The following THUMPD3 variants were observed in gnomAD, a reference collection of about 807,000 sequenced individuals.
The protein encoded by THUMPD3 is tRNA (guanine(6)-N(2))-methyltransferase THUMP3.
A neutral mutation model predicts 54.5 loss-of-function variants in THUMPD3; 44 were observed. The ratio of observed to expected loss-of-function variants is 0.81; its 90% CI spans 0.63 to 1.04. The LOEUF (loss-of-function observed/expected upper bound fraction) is 1.04, where lower values mean the gene tolerates loss of function less well. THUMPD3 is among the 50% of genes least tolerant of loss of function. The probability of loss-of-function intolerance (pLI) is 0.00; values close to 1 mark genes in which losing one functional copy is unlikely to be tolerated. For missense variants in THUMPD3, 604 were observed against 601.3 expected (o/e 1.00, Z -0.05); for synonymous variants, 196 against 201.4 (o/e 0.97, Z 0.23).
chr3:9,380,678 AC>A lies in THUMPD3; in HGVS notation c.1124+61del. 3 of 1,266,984 alleles carry A rather than the reference AC, an allele frequency of 2.4e-6. No homozygotes were observed. The Admixed American group carries it at 5.5e-5, about 23-fold the overall frequency. 78.5% of individuals were successfully genotyped at this position (1,266,984 alleles called of 1,614,324 possible). On this transcript the variant is annotated intron_variant, in intron 7 of 9. Coordinates refer to ENST00000452837, the MANE Select transcript of THUMPD3 (RefSeq NM_001114092.2). ...AGTTAGAGAATCACTTTTTATATTG[AC>A]TTTATGAATTAAAACTCCCAGTGCA...
intron 1 of THUMPD3, among the ~76,000 whole-genome samples, chr3:9,364,757 T>C (rs1202440803): frequency 6.6e-6 from 1 of 152,254 alleles, no homozygotes; most frequent in African/African-American, 2.4e-5. Flanking sequence ...TCAACATGGG[T>C]TACCCCAAAG....
At position 9,371,457 on chromosome 3, in the gene THUMPD3, A is replaced by G. The variant is rs1403562408; in HGVS notation, c.728A>G (p.Asn243Ser). ...RAGEKHCFTS[N>S]EAARDFGGAV... Reference sequence around the variant, plus strand: ...GGAGAGAAACATTGCTTTACCTCAAATGAGGCTGCAAGAGATTTTGGGGGT... The same window carrying G: ...GGAGAGAAACATTGCTTTACCTCAAGTGAGGCTGCAAGAGATTTTGGGGGT... The change falls in exon 4 of 10, where the codon AAT (asparagine) becomes AGT (serine). Residue 243 changes from asparagine (N) to serine (S), a missense_variant. Asn to Ser is a conservative substitution (Grantham distance 46). Transcript: ENST00000452837. 1 of 1,614,204 alleles carries G rather than the reference A, an allele frequency of 6.2e-7. No homozygotes were observed. The highest frequency in any genetic ancestry group is 1.1e-5 in the South Asian group (1 of 91,088).
intron 2 of THUMPD3, 98 bp downstream of exon 2, chr3:9,365,418 T>C: frequency 1.4e-6 from 2 of 1,420,864 alleles, no homozygotes; most frequent in Non-Finnish European, 1.9e-6. Context: ...CTGATTTTCA[T>C]TGCTCTGCCC....
At chr3:9,381,627 T>A (rs1321313683) in intron 7 of THUMPD3, among the ~76,000 whole-genome samples, 1 of 149,134 alleles carries the variant, frequency 6.7e-6, no homozygotes, top group Admixed American at 6.7e-5. Context: ...AGGGTTTTTT[T>A]TAATGAGCCT....
chr3:9,372,556 G>T (rs1482914085), intron 4 of THUMPD3, among the ~76,000 whole-genome samples: 1 of 151,750 alleles, frequency 6.6e-6, no homozygotes, highest in East Asian at 1.9e-4. Context: ...CTTCAGCGTG[G>T]GTGACAGAGC....
chr3:9,369,775 C>A (rs2125313740), intron 3 of THUMPD3, among the ~76,000 whole-genome samples: 1 of 152,276 alleles, frequency 6.6e-6, no homozygotes, highest in East Asian at 1.9e-4. Flanking sequence ...TGAGTGTCAT[C>A]TTTGTGTTTA....
chr3:9,365,657 T>C (rs1165778776), intron 2 of THUMPD3, among the ~76,000 whole-genome samples: 1 of 151,852 alleles, frequency 6.6e-6, no homozygotes, highest in African/African-American at 2.4e-5. Context: ...AATGGCGCGA[T>C]CTTGGCTCAC....
chr3:9,364,192 A>G lies in THUMPD3; in HGVS notation c.-53-824A>G, dbSNP rs547673159. Among the ~76,000 whole-genome samples, 3 of 152,160 alleles carry G rather than the reference A, an allele frequency of 2.0e-5. No individual in the cohort carries two copies. The East Asian group carries it at 5.8e-4, about 29-fold the overall frequency. On this transcript the variant is annotated intron_variant, in intron 1 of 9. Coordinates refer to ENST00000452837, the MANE Select transcript of THUMPD3 (RefSeq NM_001114092.2). ...TTGTCTCCTAACGACTCTAGGAAAG[A>G]GGTATTACTAATTACTTAATTACAT...
At chr3:9,383,510 G>A (rs898114535) in intron 8 of THUMPD3, among the ~76,000 whole-genome samples, 1 of 152,102 alleles carries the variant, frequency 6.6e-6, no homozygotes, top group African/African-American at 2.4e-5. Flanking sequence ...ACCATCATGG[G>A]AGGTTCATTT....
At chr3:9,363,205 CTT>C (rs2031037311) in intron 1 of THUMPD3, 78 bp downstream of exon 1, 1 of 152,292 alleles carries the variant, frequency 6.6e-6, no homozygotes, top group South Asian at 2.1e-4. Context: ...TGGCCTTCCT[CTT>C]GCAGTTGAGG....
At position 9,380,500 on chromosome 3, in the gene THUMPD3, T is replaced by C. The variant is rs1575078610; in HGVS notation, c.1009-3T>C. 1 of 1,591,906 alleles carries C rather than the reference T, an allele frequency of 6.3e-7. No homozygotes were observed. Among genetic ancestry groups the C allele is most frequent in the East Asian group, 2.2e-5 (1 of 44,666 alleles). On this transcript the variant is annotated splice_polypyrimidine_tract_variant and splice_region_variant and intron_variant, in intron 6 of 9. Coordinates refer to ENST00000452837, the MANE Select transcript of THUMPD3 (RefSeq NM_001114092.2). ...TGTTTTAACATACACTCTTATCTTTTAGGGGGCCACTGAATGGTCTGACTG... is the reference window on the plus strand; with the variant it reads ...TGTTTTAACATACACTCTTATCTTTCAGGGGGCCACTGAATGGTCTGACTG...
At chr3:9,367,231 G>A (rs1559299592) in intron 3 of THUMPD3, among the ~76,000 whole-genome samples, 2 of 152,190 alleles carry the variant, frequency 1.3e-5, no homozygotes, top group African/African-American at 4.8e-5. Context: ...ACTTGTAAGA[G>A]ATATAAACCT....
chr3:9,373,845 C>G (rs1672090169), intron 4 of THUMPD3, among the ~76,000 whole-genome samples: 1 of 152,050 alleles, frequency 6.6e-6, no homozygotes, highest in African/African-American at 2.4e-5. Context: ...TCCCGAGTAG[C>G]TGGGACTGTG....
Position 9,371,374 on chromosome 3 carries a change from C to T in THUMPD3, c.645C>T (p.Ser215=). ...CTTGCAAAGATGAGACTGATGAAAGCTCAAAAGAAGAAACTGAGCCTCAAG... is the reference window on the plus strand; with the variant it reads ...CTTGCAAAGATGAGACTGATGAAAGTTCAAAAGAAGAAACTGAGCCTCAAG... ...LASCKDETDE[S]SKEETEPQVL... is the part of the protein sequence containing the mutation. The change falls in exon 4 of 10, where the codon AGC becomes AGT. Residue 215 remains serine (S), a synonymous_variant. Transcript: ENST00000452837. 2.5e-6 allele frequency: 4 copies of T among 1,614,140 alleles called. No homozygotes were observed. In the South Asian group the frequency reaches 3.3e-5, roughly 13 times the overall value.
At position 9,377,041 on chromosome 3, in the gene THUMPD3, T is replaced by A. The variant is rs532812274; in HGVS notation, c.939-778T>A. On this transcript the variant is annotated intron_variant, in intron 5 of 9. Transcript: ENST00000452837. ...ACCTAGTCCCACAGAGCAATTTTTT[T>A]ATATCAAGATTAGCTTTAAATTCAG... is the stretch of plus-strand genomic sequence containing the variant. 3.9e-5 allele frequency among the ~76,000 whole-genome samples: 6 copies of A among 152,352 alleles called. No homozygotes were observed. The South Asian group carries it at 6.2e-4, about 16-fold the overall frequency.
chr3:9,368,199 C>A (rs1240375164), intron 3 of THUMPD3, among the ~76,000 whole-genome samples: 1 of 151,608 alleles, frequency 6.6e-6, no homozygotes, highest in Non-Finnish European at 1.5e-5. Context: ...GTCCCCACCC[C>A]CCTCTTTTAA....
chr3:9,371,200 G>T lies in THUMPD3; in HGVS notation c.471G>T (p.Lys157Asn). 11 of 1,610,656 alleles carry T rather than the reference G, an allele frequency of 6.8e-6. No individual in the cohort carries two copies. Among genetic ancestry groups the T allele is most frequent in the Non-Finnish European group, 9.3e-6 (11 of 1,179,322 alleles). ...KKINQNSSKEKINNGQEVKID... is the reference protein window; with the variant it reads ...KKINQNSSKENINNGQEVKID... The stretch of plus-strand genomic sequence containing the variant: ...TAAATCAGAATTCAAGTAAAGAGAA[G>T]ATTAATAATGGACAAGAAGTCAAAA... The change falls in exon 4 of 10, where the codon AAG becomes AAT. Residue 157 changes from lysine to asparagine, a missense_variant. Physicochemically the swap from Lys to Asn is moderately conservative, Grantham distance 94. Coordinates refer to ENST00000452837, the MANE Select transcript of THUMPD3 (RefSeq NM_001114092.2).
Position 9,384,676 on chromosome 3 carries a change from A to C in THUMPD3, c.1512A>C (p.Gln504His). 6.2e-7 allele frequency: 1 copy of C among 1,614,134 alleles called. No individual in the cohort carries two copies. Among genetic ancestry groups the C allele is most frequent in the Non-Finnish European group, 8.5e-7 (1 of 1,180,020 alleles). Residue 504 changes from glutamine (Q) to histidine (H), a missense_variant, in exon 10 of 10, where the codon CAA (glutamine) becomes CAC (histidine). Gln to His is a conservative substitution (Grantham distance 24). Transcript: ENST00000452837. Reference sequence around the variant, plus strand: ...ACGGAGAAAGAGGAACTCTTTGGCAATGCAAAGAATGAAGATGACTAATAG... The same window carrying C: ...ACGGAGAAAGAGGAACTCTTTGGCACTGCAAAGAATGAAGATGACTAATAG... ...EQDGERGTLW[Q>H]CKE
In THUMPD3 at chr3:9,384,936, C is replaced by A. The variant is rs890234415; in HGVS notation, c.*248C>A. ...CGAAGTGTGCAGATCACCTGAGGTCCGGAGACCAGCCTGGCCAACATGGTG... is the reference window on the plus strand; with the variant it reads ...CGAAGTGTGCAGATCACCTGAGGTCAGGAGACCAGCCTGGCCAACATGGTG... On this transcript the variant is annotated 3_prime_UTR_variant, in exon 10 of 10. Transcript: ENST00000452837. 5.1e-6 allele frequency: 2 copies of A among 395,404 alleles called. No individual in the cohort carries two copies. The highest frequency in any genetic ancestry group is 9.3e-6 in the Non-Finnish European group (2 of 215,404). 24.5% of individuals were successfully genotyped at this position (395,404 alleles called of 1,614,324 possible).
Sources: allele counts gnomAD v4.1 joint callset (sites outside exome capture counted in the v4.1 genomes callset), GRCh38; gene constraint gnomAD v4.1.1; transcripts MANE v1.5; gene names NCBI Gene and HGNC (gene_info 2026-07-23, HGNC 2026-07-21).